GNG2: variants seen among roughly 807,000 people sequenced by gnomAD.
The protein encoded by GNG2 is guanine nucleotide-binding protein G(I)/G(S)/G(O) subunit gamma-2.
Under a neutral mutation model 5.5 loss-of-function variants are expected in GNG2, and 5 were observed. The ratio of observed to expected loss-of-function variants is 0.91; its 90% CI spans 0.48 to 1.92. The LOEUF is 1.92. GNG2 is among the 30% of genes most tolerant of loss of function. The pLI is 0.01. For synonymous variants in GNG2, 28 were observed against 32.0 expected (o/e 0.88, Z 0.42); for missense variants, 55 against 88.4 (o/e 0.62, Z 1.52).
At chr14:51,886,880 G>A (rs916505052) in intron 2 of GNG2, among the ~76,000 whole-genome samples, 1 of 152,170 alleles carries the variant, frequency 6.6e-6, no homozygotes, top group Non-Finnish European at 1.5e-5. Context: ...TAAGCCAGGT[G>A]GAATAGGATG....
At chr14:51,952,377 T>G (rs188642502) in intron 3 of GNG2, among the ~76,000 whole-genome samples, 1 of 152,334 alleles carries the variant, frequency 6.6e-6, no homozygotes, top group Admixed American at 6.5e-5. Flanking sequence ...TCCTCTTTTC[T>G]TGCTTCTTCT....
At chr14:51,941,361 A>C (rs142725875) in intron 2 of GNG2, among the ~76,000 whole-genome samples, 13 of 152,230 alleles carry the variant, frequency 8.5e-5, no homozygotes, top group African/African-American at 1.2e-4. Context: ...AAGAATAATA[A>C]AAATATTAAG....
At chr14:51,875,137 C>T (rs375476179) in intron 1 of GNG2, among the ~76,000 whole-genome samples, 2 of 152,138 alleles carry the variant, frequency 1.3e-5, no homozygotes, top group African/African-American at 2.4e-5. Flanking sequence ...TGTAACAATC[C>T]GGACGTGGAT....
At chr14:51,930,793 A>G (rs779305929) in intron 2 of GNG2, among the ~76,000 whole-genome samples, 4 of 152,138 alleles carry the variant, frequency 2.6e-5, no homozygotes, top group Admixed American at 6.5e-5. Flanking sequence ...GAAGCTTCCA[A>G]TCATGGTGGA....
chr14:51,929,405 G>A (rs1369103272), intron 2 of GNG2, among the ~76,000 whole-genome samples: 1 of 152,198 alleles, frequency 6.6e-6, no homozygotes, highest in Non-Finnish European at 1.5e-5. Context: ...AGGATGCTGA[G>A]AATCAAGAGG....
intron 2 of GNG2, among the ~76,000 whole-genome samples, chr14:51,847,615 A>T (rs894917390): frequency 6.6e-6 from 1 of 152,244 alleles, no homozygotes; most frequent in African/African-American, 2.4e-5. Context: ...TTTTACAGGC[A>T]GGATAATTAG....
In GNG2 at chr14:51,872,472, G is replaced by A. The variant is rs541041603; in HGVS notation, c.-70-5145G>A. ...ATATCAAAATTACTAGCATATATAT[G>A]TTTTATTTTTTGTTGTTGTTTGAGG... On this transcript the variant is annotated intron_variant, in intron 1 of 3. Coordinates refer to ENST00000556766, the MANE Select transcript of GNG2 (RefSeq NM_053064.5). Among the ~76,000 whole-genome samples the A allele has an allele frequency of 7.1e-3, 1,088 of 152,282 alleles. 9 individuals are homozygous for A. Among genetic ancestry groups the A allele is most frequent in the Non-Finnish European group, 0.011 (751 of 68,018 alleles).
intron 2 of GNG2, among the ~76,000 whole-genome samples, chr14:51,904,887 C>T (rs540427716): frequency 1.3e-4 from 20 of 152,322 alleles, no homozygotes; most frequent in African/African-American, 2.9e-4. Flanking sequence ...TTCAAACAGT[C>T]GCTACGTCTG....
intron 2 of GNG2, among the ~76,000 whole-genome samples, chr14:51,842,222 T>A (rs1881502686): frequency 6.6e-6 from 1 of 152,254 alleles, no homozygotes; most frequent in Non-Finnish European, 1.5e-5. Flanking sequence ...ACATAGGGAT[T>A]CATGCAAGAA....
chr14:51,929,807 G>A (rs1346884049), intron 2 of GNG2, among the ~76,000 whole-genome samples: 2 of 152,162 alleles, frequency 1.3e-5, no homozygotes, highest in Non-Finnish European at 1.5e-5. Flanking sequence ...CGAGAGAAGA[G>A]GCTGGCAACA....
At chr14:51,938,657 C>T (rs1319806301) in intron 2 of GNG2, among the ~76,000 whole-genome samples, 4 of 152,178 alleles carry the variant, frequency 2.6e-5, no homozygotes, top group African/African-American at 7.2e-5. Flanking sequence ...ATTTGTACCA[C>T]TAGAAATATC....
At chr14:51,922,469 T>A (rs1022542438) in intron 2 of GNG2, among the ~76,000 whole-genome samples, 2 of 152,034 alleles carry the variant, frequency 1.3e-5, no homozygotes, top group Admixed American at 1.3e-4. Context: ...GGGGGAAGAC[T>A]CCAAGGGGTA....
At chr14:51,891,538 T>G (rs1228011002) in intron 2 of GNG2, among the ~76,000 whole-genome samples, 1 of 152,202 alleles carries the variant, frequency 6.6e-6, no homozygotes, top group Non-Finnish European at 1.5e-5. Context: ...TAAAAACTCC[T>G]GTATGCTTCT....
intron 2 of GNG2, among the ~76,000 whole-genome samples, chr14:51,841,867 CA>C (rs1321332266): frequency 6.6e-6 from 1 of 151,980 alleles, no homozygotes; most frequent in African/African-American, 2.4e-5. Context: ...AAATTGTGTC[CA>C]ATAGACTGCA....
At chr14:51,903,176 G>C (rs940916129) in intron 2 of GNG2, among the ~76,000 whole-genome samples, 1 of 152,056 alleles carries the variant, frequency 6.6e-6, no homozygotes, top group Non-Finnish European at 1.5e-5. Context: ...GAAATATAAT[G>C]CTTTATATTT....
intron 2 of GNG2, among the ~76,000 whole-genome samples, chr14:51,832,460 A>G (rs1262064944): frequency 1.3e-5 from 2 of 152,218 alleles, no homozygotes; most frequent in African/African-American, 4.8e-5. Context: ...TATCTTTTCT[A>G]CTTTAGAAAT....
chr14:51,902,603 A>G (rs1480724261), intron 2 of GNG2, among the ~76,000 whole-genome samples: 1 of 152,234 alleles, frequency 6.6e-6, no homozygotes, highest in Non-Finnish European at 1.5e-5. Flanking sequence ...ATTAAAATTA[A>G]AGAAATAGGC....
intron 3 of GNG2, among the ~76,000 whole-genome samples, chr14:51,956,020 C>T (rs145459796): frequency 6.6e-6 from 1 of 152,144 alleles, no homozygotes; most frequent in Admixed American, 6.6e-5. Flanking sequence ...AGGTTTAGGA[C>T]ATTTTAAGTA....
intron 1 of GNG2, among the ~76,000 whole-genome samples, chr14:51,874,936 AAACTT>A (rs1483403712): frequency 2.6e-5 from 4 of 152,330 alleles, no homozygotes; most frequent in Admixed American, 6.5e-5. Flanking sequence ...TTAGTAAACA[AAACTT>A]AACTTAGTTT....
Sources: gnomAD v4.1 joint callset for allele counts (sites outside exome capture counted in the v4.1 genomes callset) on GRCh38, gnomAD v4.1.1 for gene constraint, MANE v1.5 for transcripts, NCBI Gene and HGNC (gene_info 2026-07-23, HGNC 2026-07-21) for gene names.